The following CDIN1 variants were observed in gnomAD, a reference collection of about 807,000 sequenced individuals.
CDIN1 encodes the protein CDAN1-interacting nuclease 1.
In CDIN1, 33 loss-of-function variants were observed where a neutral mutation model predicts 45.3. The ratio of observed to expected loss-of-function variants is 0.73; its 90% CI spans 0.55 to 0.97. CDIN1 has a LOEUF of 0.97. Ranked by LOEUF, CDIN1 falls within the 50% of genes least tolerant of loss-of-function variation. The probability of loss-of-function intolerance (pLI) is 0.00; values close to 1 mark genes in which losing one functional copy is unlikely to be tolerated. For missense variants in CDIN1, 303 were observed against 339.4 expected (o/e 0.89, Z 0.84); for synonymous variants, 118 against 124.4 (o/e 0.95, Z 0.34).
intron 10 of CDIN1, among the ~76,000 whole-genome samples, chr15:36,747,838 C>G (rs2044499596): frequency 6.6e-6 from 1 of 151,972 alleles, no homozygotes; most frequent in Non-Finnish European, 1.5e-5. Context: ...ACCCCCGAGC[C>G]AACCACATGC....
At chr15:36,758,892 A>G (rs1258069125) in intron 10 of CDIN1, among the ~76,000 whole-genome samples, 1 of 152,212 alleles carries the variant, frequency 6.6e-6, no homozygotes, top group Non-Finnish European at 1.5e-5. Context: ...CTAACCAAAT[A>G]GGTTGCCTAA....
At chr15:36,693,465 T>A (rs139334834) in intron 7 of CDIN1, among the ~76,000 whole-genome samples, 1 of 152,314 alleles carries the variant, frequency 6.6e-6, no homozygotes, top group East Asian at 1.9e-4. Flanking sequence ...CTGAGAAAGT[T>A]TAGCACATTC....
intron 8 of CDIN1, chr15:36,702,149 C>T: frequency 1.4e-6 from 1 of 701,762 alleles, no homozygotes; most frequent in Non-Finnish European, 2.6e-6. Flanking sequence ...ATGGAGATGG[C>T]TGGGTATTTC....
At chr15:36,698,856 G>GA (rs1289399071) in intron 8 of CDIN1, among the ~76,000 whole-genome samples, 8 of 152,002 alleles carry the variant, frequency 5.3e-5, no homozygotes, top group Non-Finnish European at 1.0e-4. Context: ...TCCCAGCTGG[G>GA]AAAAAAAGCA....
rs573399164 is a variant in CDIN1 at position 36,689,819 on chromosome 15, G to C, written c.347-1866G>C. On this transcript the variant is annotated intron_variant, in intron 5 of 10. Coordinates refer to ENST00000566621, the MANE Select transcript of CDIN1 (RefSeq NM_001321759.2). The stretch of plus-strand genomic sequence containing the variant: ...TTGAGTCCAACCCTATGGTTTGTAT[G>C]AAGTAAATACCTAAGTTTGATTTGA... Among the ~76,000 whole-genome samples, 18 of 152,300 alleles carry C rather than the reference G, an allele frequency of 1.2e-4. No individual in the cohort carries two copies. In the South Asian group the frequency reaches 3.7e-3, roughly 32 times the overall value.
chr15:36,630,397 A>G lies in CDIN1; in HGVS notation c.102-13881A>G, dbSNP rs182776711. On this transcript the variant is annotated intron_variant, in intron 1 of 10. Coordinates refer to ENST00000566621, the MANE Select transcript of CDIN1 (RefSeq NM_001321759.2). ...TTAGATTTGCAGAACTGATAAAATC[A>G]TAGAACTTTTAAGATGAACCGGATT... 2.0e-3 allele frequency among the ~76,000 whole-genome samples: 311 copies of G among 152,338 alleles called. 4 individuals carry two copies. The highest frequency in any genetic ancestry group is 4.3e-4 in the Non-Finnish European group (29 of 68,032).
chr15:36,679,728 G>T (rs2041784993), intron 5 of CDIN1, among the ~76,000 whole-genome samples: 1 of 152,120 alleles, frequency 6.6e-6, no homozygotes, highest in African/African-American at 2.4e-5. Context: ...GGGGATGCTT[G>T]CTCTTGGAAC....
At chr15:36,764,205 G>C (rs1167731540) in intron 10 of CDIN1, among the ~76,000 whole-genome samples, 1 of 121,078 alleles carries the variant, frequency 8.3e-6, no homozygotes, top group African/African-American at 2.9e-5. Flanking sequence ...TTTTCTTTCT[G>C]TGGTTTTGGT....
chr15:36,733,787 A>G (rs1383106769), intron 10 of CDIN1, among the ~76,000 whole-genome samples: 1 of 152,172 alleles, frequency 6.6e-6, no homozygotes, highest in Admixed American at 6.5e-5. Context: ...CTTTTCGCAT[A>G]TGATCTTTCA....
chr15:36,615,138 C>T (rs562582828), intron 1 of CDIN1, among the ~76,000 whole-genome samples: 59 of 152,288 alleles, frequency 3.9e-4, no homozygotes, highest in Non-Finnish European at 7.4e-4. Context: ...GAATAGCTTA[C>T]GTACAAAACT....
chr15:36,771,735 C>T (rs2054083255), intron 10 of CDIN1, among the ~76,000 whole-genome samples: 2 of 152,158 alleles, frequency 1.3e-5, no homozygotes, highest in African/African-American at 4.8e-5. Flanking sequence ...CGAGACCAGC[C>T]TGGCCAACAT....
At chr15:36,657,716 A>C (rs2040834666) in intron 4 of CDIN1, 117 bp from the exon 5 acceptor site, 2 of 727,800 alleles carry the variant, frequency 2.7e-6, no homozygotes, top group Admixed American at 6.0e-5. Context: ...GATTTTAATG[A>C]ATGATGCTTG....
intron 10 of CDIN1, among the ~76,000 whole-genome samples, chr15:36,739,437 A>AAAACC (rs1213227192): frequency 2.1e-4 from 31 of 149,040 alleles, no homozygotes; most frequent in Middle Eastern, 7.1e-3. Flanking sequence ...AAAACAAAAC[A>AAAACC]AAACAAAAAA....
chr15:36,653,428 C>T (rs149164227), intron 3 of CDIN1, among the ~76,000 whole-genome samples: 1 of 145,880 alleles, frequency 6.9e-6, no homozygotes, highest in African/African-American at 2.6e-5. Flanking sequence ...AGTGTTATAA[C>T]AAGGGGAATG....
At chr15:36,731,659 A>C (rs2140912138) in intron 10 of CDIN1, among the ~76,000 whole-genome samples, 1 of 152,280 alleles carries the variant, frequency 6.6e-6, no homozygotes, top group South Asian at 2.1e-4. Context: ...GTGCACCACA[A>C]GATGTTAAAA....
At chr15:36,745,043 A>G (rs1338925057) in intron 10 of CDIN1, among the ~76,000 whole-genome samples, 3 of 152,224 alleles carry the variant, frequency 2.0e-5, no homozygotes, top group Non-Finnish European at 4.4e-5. Flanking sequence ...TTGAGAGTAT[A>G]TGTATGAGCA....
In CDIN1 at chr15:36,679,221, A is replaced by G. The variant is rs572619834; in HGVS notation, c.347-12464A>G. 5.5e-4 allele frequency among the ~76,000 whole-genome samples: 83 copies of G among 152,276 alleles called. 1 individual carries two copies. The highest frequency in any genetic ancestry group is 1.1e-3 in the Non-Finnish European group (72 of 68,018). ...GTGGGGATGTAAGATGGGAGTATCA[A>G]TCTGGCATTGGCAAATTTTGCCTGT... On this transcript the variant is annotated intron_variant, in intron 5 of 10. Coordinates refer to ENST00000566621, the MANE Select transcript of CDIN1 (RefSeq NM_001321759.2).
chr15:36,763,828 T>C (rs900405187), intron 10 of CDIN1, among the ~76,000 whole-genome samples: 2 of 152,174 alleles, frequency 1.3e-5, no homozygotes, highest in Non-Finnish European at 2.9e-5. Flanking sequence ...CTTAACTAGA[T>C]ACTCCTTTCA....
chr15:36,625,189 G>C (rs1360154599), intron 1 of CDIN1, among the ~76,000 whole-genome samples: 1 of 152,088 alleles, frequency 6.6e-6, no homozygotes, highest in Admixed American at 6.5e-5. Flanking sequence ...GCTGAGGCAG[G>C]AGAATGGTGT....
Sources: allele counts gnomAD v4.1 joint callset (sites outside exome capture counted in the v4.1 genomes callset), GRCh38; gene constraint gnomAD v4.1.1; transcripts MANE v1.5; gene names NCBI Gene and HGNC (gene_info 2026-07-23, HGNC 2026-07-21).